Variants in ARMC2 observed in about 807,000 individuals in gnomAD.
ARMC2 encodes the protein armadillo repeat containing 2.
ARMC2 carries 67 observed loss-of-function variants against 90.3 expected under a neutral mutation model. The ratio of observed to expected loss-of-function variants is 0.74; its 90% CI spans 0.61 to 0.91. The LOEUF (loss-of-function observed/expected upper bound fraction) is 0.91, where lower values mean the gene tolerates loss of function less well. Ranked by LOEUF, ARMC2 falls within the 40% of genes least tolerant of loss-of-function variation. ARMC2 has a pLI of 0.00. For synonymous variants in ARMC2, 393 were observed against 393.0 expected (o/e 1.00, Z 0.00); for missense variants, 920 against 1,030.9 (o/e 0.89, Z 1.47).
chr6:109,013,763 T>G, the ARMC2 span, among the ~76,000 whole-genome samples: 1 of 152,226 alleles, frequency 6.6e-6, no homozygotes, highest in Non-Finnish European at 1.5e-5. Flanking sequence ...TTTATGTGGT[T>G]TAAGCATTCT....
At chr6:108,931,436 C>G (rs1254152285) in intron 11 of ARMC2, among the ~76,000 whole-genome samples, 1 of 151,878 alleles carries the variant, frequency 6.6e-6, no homozygotes, top group African/African-American at 2.4e-5. Flanking sequence ...TGGGTATATA[C>G]CCAGTAATAG....
In ARMC2 at chr6:108,912,318, A is replaced by G; in HGVS notation, c.1127-17A>G. 6.5e-7 allele frequency: 1 copy of G among 1,550,338 alleles called. No individual in the cohort carries two copies. The highest frequency in any genetic ancestry group is 8.8e-7 in the Non-Finnish European group (1 of 1,136,844). Reference sequence around the variant, plus strand: ...CTGTTATACTCAGACATTTATAATAATTAATCTTTTTGACAGAATCATTAT... The same window carrying G: ...CTGTTATACTCAGACATTTATAATAGTTAATCTTTTTGACAGAATCATTAT... On this transcript the variant is annotated splice_polypyrimidine_tract_variant and intron_variant, in intron 9 of 17. Transcript: ENST00000392644.
At chr6:108,905,536 AG>A (rs930496101) in intron 8 of ARMC2, among the ~76,000 whole-genome samples, 3 of 150,354 alleles carry the variant, frequency 2.0e-5, no homozygotes, top group Admixed American at 2.0e-4. Flanking sequence ...AGAAAGAGTG[AG>A]GAAAAAAAAA....
At chr6:109,046,538 C>G in the ARMC2 span, among the ~76,000 whole-genome samples, 1 of 146,774 alleles carries the variant, frequency 6.8e-6, no homozygotes, top group Non-Finnish European at 1.5e-5. Flanking sequence ...CTCTGCCTGG[C>G]CACCCATCGT....
At chr6:108,860,707 G>C (rs1256431667) in intron 3 of ARMC2, among the ~76,000 whole-genome samples, 1 of 151,082 alleles carries the variant, frequency 6.6e-6, no homozygotes, top group Non-Finnish European at 1.5e-5. Flanking sequence ...GATTGAGGTT[G>C]GTCAACCTAT....
At chr6:108,917,427 G>A (rs117009710) in intron 10 of ARMC2, among the ~76,000 whole-genome samples, 1,737 of 152,002 alleles carry the variant, frequency 0.011, 6 homozygotes, top group South Asian at 0.031. Context: ...TCCTTCACTC[G>A]GTTCCTTCCT....
the ARMC2 span, among the ~76,000 whole-genome samples, chr6:109,001,855 TTAAC>T: frequency 1.3e-5 from 2 of 152,150 alleles, no homozygotes; most frequent in African/African-American, 4.8e-5. Context: ...AGAACTAAAA[TTAAC>T]TAATAGCATA....
chr6:108,868,969 C>T lies in ARMC2; in HGVS notation c.437C>T (p.Pro146Leu), dbSNP rs539620053. ...GCTGCCTCCCAGCGGGCCCTTCTGC[C>T]GGACAGATCCCTTCCTCCCTCCGAC... ...FRAASQRALL[P>L]DRSLPPSDSK... The change falls in exon 4 of 18, where the codon CCG becomes CTG. Residue 146 changes from proline (P) to leucine (L), a missense_variant. Coordinates refer to ENST00000392644, the MANE Select transcript of ARMC2 (RefSeq NM_032131.6). The T allele has an allele frequency of 2.2e-5, 35 of 1,613,280 alleles. No homozygotes were observed. The East Asian group carries it at 3.1e-4, about 14-fold the overall frequency.
the ARMC2 span, chr6:109,001,194 C>G: frequency 4.5e-5 from 46 of 1,016,450 alleles, no homozygotes; most frequent in Non-Finnish European, 3.6e-5. Flanking sequence ...ATATCATAAT[C>G]TAAGTATTTA....
intron 3 of ARMC2, among the ~76,000 whole-genome samples, chr6:108,868,607 A>C (rs946683328): frequency 1.4e-4 from 21 of 152,210 alleles, no homozygotes; most frequent in South Asian, 6.2e-4. Context: ...CAGAGTAGTT[A>C]ATACAATATG....
At chr6:108,893,394 A>G (rs1771288518) in intron 5 of ARMC2, among the ~76,000 whole-genome samples, 1 of 152,230 alleles carries the variant, frequency 6.6e-6, no homozygotes, top group African/African-American at 2.4e-5. Flanking sequence ...CCTAAGTTCC[A>G]AATCTGTCTT....
In ARMC2 at chr6:108,973,473, C is replaced by T. The variant is rs771606725; in HGVS notation, c.2563C>T (p.His855Tyr). 22 of 1,613,636 alleles carry T rather than the reference C, an allele frequency of 1.4e-5. No homozygotes were observed. Among genetic ancestry groups the T allele is most frequent in the Admixed American group, 1.3e-4 (8 of 60,002 alleles). Reference sequence around the variant, plus strand: ...GCAGCTTCTAAACCGAATTCAGAGACATCACACCTTCCTGGAACCCCTGCC... The same window carrying T: ...GCAGCTTCTAAACCGAATTCAGAGATATCACACCTTCCTGGAACCCCTGCC... ...AQQLLNRIQRHHTFLEPLPIP... is the reference protein window; with the variant it reads ...AQQLLNRIQRYHTFLEPLPIP... The change falls in exon 18 of 18, where the codon CAT (histidine) becomes TAT (tyrosine). Residue 855 changes from histidine (H) to tyrosine (Y), a missense_variant. His to Tyr is a moderately conservative substitution (Grantham distance 83). Coordinates refer to ENST00000392644, the MANE Select transcript of ARMC2 (RefSeq NM_032131.6).
chr6:109,002,194 A>G, the ARMC2 span: 2 of 1,176,058 alleles, frequency 1.7e-6, no homozygotes, highest in South Asian at 2.5e-5. Context: ...GTTGACCAAC[A>G]GTTCTTCAGA....
chr6:108,992,847 AG>A, the ARMC2 span: 8 of 1,613,716 alleles, frequency 5.0e-6, no homozygotes, highest in Non-Finnish European at 6.8e-6. Flanking sequence ...AGCCATAACT[AG>A]TATCCTCAAA....
At chr6:109,009,669 G>A in the ARMC2 span, 3 of 560,870 alleles carry the variant, frequency 5.3e-6, no homozygotes, top group Non-Finnish European at 4.6e-6. Flanking sequence ...GCAAAGCACC[G>A]CCCCTCCGGC....
chr6:108,922,856 G>T (rs1327588545), intron 10 of ARMC2: 2 of 152,218 alleles, frequency 1.3e-5, no homozygotes, highest in African/African-American at 4.8e-5. Flanking sequence ...TCATTTTTCA[G>T]TAGTAGATTG....
At chr6:109,029,090 T>G in the ARMC2 span, among the ~76,000 whole-genome samples, 20 of 152,312 alleles carry the variant, frequency 1.3e-4, no homozygotes, top group East Asian at 3.5e-3. Context: ...TTTTCTACCT[T>G]CTCTTCTTAA....
the ARMC2 span, chr6:108,990,717 A>G: frequency 6.2e-7 from 1 of 1,614,152 alleles, no homozygotes; most frequent in Non-Finnish European, 8.5e-7. Context: ...ATCTTTGTGC[A>G]TTGCCATTGT....
At chr6:108,853,602 A>G (rs1042777891) in intron 1 of ARMC2, among the ~76,000 whole-genome samples, 3 of 152,174 alleles carry the variant, frequency 2.0e-5, no homozygotes, top group Non-Finnish European at 2.9e-5. Context: ...AAGGATCTGC[A>G]TTCTCATGGC....
Sources: allele counts gnomAD v4.1 joint callset (sites outside exome capture counted in the v4.1 genomes callset), GRCh38; gene constraint gnomAD v4.1.1; transcripts MANE v1.5; gene names NCBI Gene and HGNC (gene_info 2026-07-23, HGNC 2026-07-21).